Variants in ZNF248 observed in about 807,000 individuals in gnomAD.
The protein encoded by ZNF248 is zinc finger protein 248.
ZNF248 carries 20 observed loss-of-function variants against 44.3 expected under a neutral mutation model. The observed-to-expected ratio is 0.45, with a 90% CI of 0.32 to 0.66. The LOEUF (loss-of-function observed/expected upper bound fraction) is 0.66. Among genes scored for constraint, ZNF248 ranks in the 30% least tolerant of loss-of-function variants. The pLI, the probability that ZNF248 is intolerant of heterozygous loss-of-function variation, is 0.04. For missense variants in ZNF248, 654 were observed against 677.0 expected (o/e 0.97, Z 0.38); for synonymous variants, 224 against 229.0 (o/e 0.98, Z 0.20).
At chr10:37,810,471 G>T (rs1424160917) in intron 6 of ZNF248, among the ~76,000 whole-genome samples, 4 of 151,962 alleles carry the variant, frequency 2.6e-5, no homozygotes, top group Non-Finnish European at 5.9e-5. Context: ...TATTTTGTCT[G>T]ATGTTAACAT....
intron 6 of ZNF248, among the ~76,000 whole-genome samples, chr10:37,811,818 G>C (rs1440728709): frequency 3.3e-5 from 5 of 152,056 alleles, no homozygotes; most frequent in Non-Finnish European, 1.5e-5. Flanking sequence ...CTGTACTCCA[G>C]CCTGGCTGAC....
At chr10:37,824,662 A>T (rs1564542366), downstream of ZNF248, among the ~76,000 whole-genome samples, 1 of 113,664 alleles carries the variant, frequency 8.8e-6, no homozygotes, top group Non-Finnish European at 1.8e-5. Flanking sequence ...AGAGGCAAAA[A>T]ATTATTTTAA....
intron 6 of ZNF248, chr10:37,820,120 CA>C (rs1438202827): frequency 5.1e-6 from 5 of 974,474 alleles, no homozygotes; most frequent in Non-Finnish European, 8.3e-6. Flanking sequence ...TGTCAAATCA[CA>C]GTTGGCTCTT....
At chr10:37,811,982 T>C (rs183816813) in intron 6 of ZNF248, among the ~76,000 whole-genome samples, 69 of 152,102 alleles carry the variant, frequency 4.5e-4, no homozygotes, top group Non-Finnish European at 4.4e-4. Flanking sequence ...ACATCTGTAA[T>C]CCCAGCACTT....
intron 3 of ZNF248, among the ~76,000 whole-genome samples, chr10:37,849,546 G>C (rs958665851): frequency 6.6e-6 from 1 of 152,014 alleles, no homozygotes; most frequent in Admixed American, 6.6e-5. Context: ...AATTAGACGG[G>C]TGTGGTGGAG....
At chr10:37,790,779 G>A (rs1314752156) in intron 6 of ZNF248, among the ~76,000 whole-genome samples, 2 of 149,328 alleles carry the variant, frequency 1.3e-5, no homozygotes, top group African/African-American at 4.9e-5. Flanking sequence ...AGTTAGCCAA[G>A]TGTGAGTGTG....
At chr10:37,783,651 G>C (rs999472175) in intron 6 of ZNF248, among the ~76,000 whole-genome samples, 13 of 152,218 alleles carry the variant, frequency 8.5e-5, no homozygotes, top group African/African-American at 2.7e-4. Flanking sequence ...GTTGACATTA[G>C]GTGGTGTAAT....
At chr10:37,848,969 G>A (rs2059773596) in intron 3 of ZNF248, among the ~76,000 whole-genome samples, 1 of 152,168 alleles carries the variant, frequency 6.6e-6, no homozygotes, top group Admixed American at 6.5e-5. Context: ...ACAGCATAAA[G>A]CATACTCACC....
At chr10:37,770,860 T>TG in the ZNF248 span, among the ~76,000 whole-genome samples, 9,026 of 151,946 alleles carry the variant, frequency 0.059, 342 homozygotes, top group Middle Eastern at 0.095. Context: ...AGAAAATTTT[T>TG]CAACCTACTC....
At chr10:37,820,557 C>T (rs1779744808) in intron 6 of ZNF248, 7 of 1,601,690 alleles carry the variant, frequency 4.4e-6, no homozygotes, top group Non-Finnish European at 6.0e-6. Flanking sequence ...GGGCTGGTCC[C>T]TGGCCCGCTT....
intron 6 of ZNF248, among the ~76,000 whole-genome samples, chr10:37,810,129 T>C (rs1279734160): frequency 6.6e-6 from 1 of 152,224 alleles, no homozygotes; most frequent in East Asian, 1.9e-4. Context: ...AGTTAGGCCC[T>C]AAAAATAACC....
chr10:37,801,703 A>G (rs2049859978), intron 6 of ZNF248, among the ~76,000 whole-genome samples: 1 of 152,216 alleles, frequency 6.6e-6, no homozygotes. Context: ...TTTTCACAGA[A>G]GTTAGATTGG....
intron 6 of ZNF248, among the ~76,000 whole-genome samples, chr10:37,816,083 G>T (rs1293500765): frequency 3.3e-5 from 5 of 151,998 alleles, no homozygotes; most frequent in African/African-American, 1.2e-4. Context: ...TAAAACATGG[G>T]TGCTAGAAAG....
intron 6 of ZNF248, chr10:37,820,724 C>G (rs981442486): frequency 2.6e-5 from 35 of 1,323,040 alleles, no homozygotes; most frequent in Non-Finnish European, 4.4e-6. Flanking sequence ...GGATCCCATG[C>G]TGCACAAGCT....
the ZNF248 span, among the ~76,000 whole-genome samples, chr10:37,765,252 T>C: frequency 6.6e-6 from 1 of 152,164 alleles, no homozygotes; most frequent in Non-Finnish European, 1.5e-5. Flanking sequence ...CCACTGAGCC[T>C]GGGCAAGTTT....
chr10:37,774,919 C>T (rs562058701), downstream of ZNF248, among the ~76,000 whole-genome samples: 5 of 152,040 alleles, frequency 3.3e-5, no homozygotes, highest in Admixed American at 1.3e-4. Flanking sequence ...TAGCTGGCCA[C>T]GCCACCACAC....
chr10:37,842,507 C>T (rs867260024), intron 3 of ZNF248, among the ~76,000 whole-genome samples: 1 of 152,274 alleles, frequency 6.6e-6, no homozygotes, highest in South Asian at 2.1e-4. Flanking sequence ...GACGGCAGAC[C>T]GCATTCCAAG....
chr10:37,791,042 CTTTTTTTTTTTTTTTT>C (rs869199263), intron 6 of ZNF248, among the ~76,000 whole-genome samples: 7 of 50,920 alleles, frequency 1.4e-4, no homozygotes, highest in African/African-American at 2.4e-4. Context: ...TTTGTTATTT[CTTTTTTTTTTTTTTTT>C]TTTTTTTTTT....
intron 6 of ZNF248, chr10:37,804,058 G>C (rs2050168819): frequency 6.6e-6 from 1 of 151,694 alleles, no homozygotes. Flanking sequence ...ATGATCTTGG[G>C]TAAGTCACTT....
Sources: gnomAD v4.1 joint callset for allele counts (sites outside exome capture counted in the v4.1 genomes callset) on GRCh38, gnomAD v4.1.1 for gene constraint, MANE v1.5 for transcripts, NCBI Gene and HGNC (gene_info 2026-07-23, HGNC 2026-07-21) for gene names.